The following CNTN3 variants were observed in gnomAD, a reference collection of about 807,000 sequenced individuals.
CNTN3 encodes contactin 3.
CNTN3 carries 60 observed loss-of-function variants against 119.1 expected under a neutral mutation model. The observed-to-expected ratio is 0.50, with a 90% confidence interval of 0.41 to 0.62. CNTN3 has a LOEUF of 0.62. Ranked by LOEUF, CNTN3 falls within the 20% of genes least tolerant of loss-of-function variation. CNTN3 has a pLI of 0.00. For synonymous variants in CNTN3, 450 were observed against 438.7 expected, an observed-to-expected ratio of 1.03 and a Z score of -0.32; for missense variants, 1,101 against 1,242.4, an observed-to-expected ratio of 0.89 and a Z score of 1.71.
At chr3:74,352,194 A>G (rs1024856933) in intron 11 of CNTN3, among the ~76,000 whole-genome samples, 18 of 152,206 alleles carry the variant, frequency 1.2e-4, no homozygotes, top group African/African-American at 4.1e-4. Flanking sequence ...TTTGCTTCTT[A>G]CCTGTGTAAT....
intron 2 of CNTN3, among the ~76,000 whole-genome samples, chr3:74,500,824 G>C (rs1559634922): frequency 6.6e-6 from 1 of 152,020 alleles, no homozygotes; most frequent in Non-Finnish European, 1.5e-5. Context: ...AAATTCTAAA[G>C]TAAATTCTGC....
intron 4 of CNTN3, among the ~76,000 whole-genome samples, chr3:74,477,329 A>G (rs991348258): frequency 7.2e-5 from 11 of 152,174 alleles, no homozygotes; most frequent in Admixed American, 2.0e-4. Flanking sequence ...ACACTTTACT[A>G]AAAAATTATT....
chr3:74,354,503 C>T (rs1703888455), intron 11 of CNTN3, among the ~76,000 whole-genome samples: 1 of 151,954 alleles, frequency 6.6e-6, no homozygotes, highest in South Asian at 2.1e-4. Context: ...AGAGACAAAA[C>T]ATACAGTTTT....
At chr3:74,444,493 G>C (rs1702017614) in intron 4 of CNTN3, among the ~76,000 whole-genome samples, 1 of 152,054 alleles carries the variant, frequency 6.6e-6, no homozygotes, top group Non-Finnish European at 1.5e-5. Flanking sequence ...TTTCTTCCCA[G>C]AACTTTTCAT....
chr3:74,592,838 T>G (rs975189107), intron 1 of CNTN3, among the ~76,000 whole-genome samples: 3 of 151,976 alleles, frequency 2.0e-5, no homozygotes, highest in African/African-American at 7.2e-5. Flanking sequence ...ATTTTTGTTG[T>G]GTAAACTCCC....
intron 1 of CNTN3, among the ~76,000 whole-genome samples, chr3:74,558,326 G>A (rs138263522): frequency 9.2e-5 from 14 of 152,044 alleles, no homozygotes; most frequent in South Asian, 2.1e-4. Flanking sequence ...AACAAACTTC[G>A]TATATGCAGA....
chr3:74,555,073 T>C (rs1435734801), intron 1 of CNTN3, among the ~76,000 whole-genome samples: 1 of 152,184 alleles, frequency 6.6e-6, no homozygotes, highest in Non-Finnish European at 1.5e-5. Flanking sequence ...TCTTATTATA[T>C]TGAGATACGT....
At chr3:74,607,944 C>T (rs955591344) in intron 1 of CNTN3, among the ~76,000 whole-genome samples, 1 of 152,118 alleles carries the variant, frequency 6.6e-6, no homozygotes, top group Non-Finnish European at 1.5e-5. Flanking sequence ...TGAATAAGGT[C>T]TGCAATCTAG....
At chr3:74,503,315 G>A (rs1202532935) in intron 2 of CNTN3, among the ~76,000 whole-genome samples, 2 of 152,040 alleles carry the variant, frequency 1.3e-5, no homozygotes, top group East Asian at 1.9e-4. Context: ...GGCCTATGAG[G>A]CACATATCTG....
intron 1 of CNTN3, among the ~76,000 whole-genome samples, chr3:74,558,221 C>T (rs1169893783): frequency 6.6e-6 from 1 of 152,188 alleles, no homozygotes; most frequent in African/African-American, 2.4e-5. Flanking sequence ...ATGGGCTAAG[C>T]CTTTGATACT....
intron 1 of CNTN3, among the ~76,000 whole-genome samples, chr3:74,524,811 GT>G (rs1177281851): frequency 6.6e-6 from 1 of 151,764 alleles, no homozygotes; most frequent in Non-Finnish European, 1.5e-5. Flanking sequence ...CCTACTGCTG[GT>G]TAAATATTTT....
At chr3:74,606,901 C>G (rs1241371496) in intron 1 of CNTN3, among the ~76,000 whole-genome samples, 3 of 152,086 alleles carry the variant, frequency 2.0e-5, no homozygotes, top group Non-Finnish European at 4.4e-5. Context: ...ACTAATGAAA[C>G]AACAGCGCAA....
chr3:74,297,842 G>A lies in CNTN3; in HGVS notation c.2401+115C>T, dbSNP rs529299861. ...GCACTGGGAATCTAACTACTACCTG[G>A]ATGATTGTTCTTTGGAATAAATATA... On this transcript the variant is annotated intron_variant, in intron 18 of 22. Coordinates refer to ENST00000263665, the MANE Select transcript of CNTN3 (RefSeq NM_020872.3). 6.2e-5 allele frequency: 46 copies of A among 739,524 alleles called. No individual in the cohort carries two copies. The Admixed American group carries it at 1.0e-3, about 16-fold the overall frequency. 45.8% of individuals were successfully genotyped at this position (739,524 alleles called of 1,614,324 possible).
chr3:74,461,436 A>T (rs1207149051), intron 4 of CNTN3, among the ~76,000 whole-genome samples: 1 of 152,072 alleles, frequency 6.6e-6, no homozygotes, highest in Non-Finnish European at 1.5e-5. Context: ...ATTGGTAATT[A>T]GACCTAGAGG....
chr3:74,536,691 G>A lies in CNTN3; in HGVS notation c.-80-15499C>T, dbSNP rs146304680. On this transcript the variant is annotated intron_variant, in intron 1 of 22. Coordinates refer to ENST00000263665, the MANE Select transcript of CNTN3 (RefSeq NM_020872.3). ...TACTTCCTGCTTACTTAGACCCTCC[G>A]ATAAGGTACTACCATGTGGACATTT... Among the ~76,000 whole-genome samples, 10 of 152,138 alleles carry A rather than the reference G, an allele frequency of 6.6e-5. No homozygotes were observed. The East Asian group carries it at 1.4e-3, about 21-fold the overall frequency.
At chr3:74,609,686 G>T (rs1705048571) in intron 1 of CNTN3, among the ~76,000 whole-genome samples, 1 of 152,140 alleles carries the variant, frequency 6.6e-6, no homozygotes, top group South Asian at 2.1e-4. Flanking sequence ...GCTGAATACG[G>T]ACCTTCTTGA....
intron 4 of CNTN3, among the ~76,000 whole-genome samples, chr3:74,467,908 A>G (rs1702493682): frequency 6.6e-6 from 1 of 152,226 alleles, no homozygotes; most frequent in African/African-American, 2.4e-5. Context: ...CTAAGCAAGA[A>G]TCTTTCTGAG....
intron 13 of CNTN3, among the ~76,000 whole-genome samples, chr3:74,318,288 T>G (rs1396343114): frequency 6.6e-6 from 1 of 152,184 alleles, no homozygotes; most frequent in Non-Finnish European, 1.5e-5. Context: ...TTGAATTTCC[T>G]CCTGTAGCTC....
chr3:74,570,110 C>T (rs553120252), intron 1 of CNTN3, among the ~76,000 whole-genome samples: 2 of 152,216 alleles, frequency 1.3e-5, no homozygotes, highest in South Asian at 4.1e-4. Flanking sequence ...CTTGCCTGGA[C>T]ATCTCTCTTT....
Sources: gnomAD v4.1 joint callset for allele counts (sites outside exome capture counted in the v4.1 genomes callset) on GRCh38, gnomAD v4.1.1 for gene constraint, MANE v1.5 for transcripts, NCBI Gene and HGNC (gene_info 2026-07-23, HGNC 2026-07-21) for gene names.